Variants in SUGCT observed in about 807,000 individuals in gnomAD.
The protein encoded by SUGCT is succinyl-CoA:glutarate-CoA transferase.
Under a neutral mutation model 55.0 loss-of-function variants are expected in SUGCT, and 41 were observed. The ratio of observed to expected loss-of-function variants is 0.74; its 90% confidence interval spans 0.58 to 0.97. The LOEUF (loss-of-function observed/expected upper bound fraction) is 0.97. Ranked by LOEUF, SUGCT falls within the 50% of genes least tolerant of loss-of-function variation. The probability of loss-of-function intolerance (pLI) is 0.00; values close to 1 mark genes in which losing one functional copy is unlikely to be tolerated. For synonymous variants in SUGCT, 187 were observed against 200.4 expected, an observed-to-expected ratio of 0.93 and a Z score of 0.56; for missense variants, 568 against 547.8, an observed-to-expected ratio of 1.04 and a Z score of -0.37.
chr7:40,966,294 C>T, the SUGCT span: 2 of 152,142 alleles, frequency 1.3e-5, no homozygotes, highest in Non-Finnish European at 2.9e-5. Flanking sequence ...GGAGAGGGCT[C>T]CTGAGAAGGA....
chr7:40,829,227 T>A (rs1199418244), intron 13 of SUGCT, among the ~76,000 whole-genome samples: 1 of 152,162 alleles, frequency 6.6e-6, no homozygotes, highest in Non-Finnish European at 1.5e-5. Context: ...TAACGAAGAC[T>A]GTGTATAAAT....
chr7:40,913,008 A>ATT, the SUGCT span, among the ~76,000 whole-genome samples: 16,547 of 121,502 alleles, frequency 0.14, 1,507 homozygotes, highest in African/African-American at 0.23. Context: ...GCTGGATCCA[A>ATT]TTTTTTTTTT....
chr7:40,480,333 A>G lies in SUGCT; in HGVS notation c.987-15951A>G, dbSNP rs113447101. ...GTGATGATCATTTCACTGTAGATGC[A>G]TGGATTTATTTCTAGACTCTCTATT... On this transcript the variant is annotated intron_variant, in intron 11 of 13. Transcript: ENST00000335693. 8.6e-3 allele frequency among the ~76,000 whole-genome samples: 1,309 copies of G among 152,202 alleles called. 28 individuals are homozygous for G. The highest frequency in any genetic ancestry group is 0.029 in the African/African-American group (1,186 of 41,550).
At chr7:40,660,433 A>G (rs1801245170) in intron 12 of SUGCT, among the ~76,000 whole-genome samples, 1 of 151,962 alleles carries the variant, frequency 6.6e-6, no homozygotes. Flanking sequence ...TAATTTTTGT[A>G]TTTTTAGTAG....
intron 9 of SUGCT, among the ~76,000 whole-genome samples, chr7:40,320,212 T>A (rs1218845618): frequency 6.6e-6 from 1 of 152,016 alleles, no homozygotes; most frequent in Non-Finnish European, 1.5e-5. Flanking sequence ...GTTCAAGCTA[T>A]GCTCCTGCCT....
chr7:40,581,454 G>A (rs1295876256), intron 12 of SUGCT, among the ~76,000 whole-genome samples: 1 of 152,184 alleles, frequency 6.6e-6, no homozygotes, highest in Non-Finnish European at 1.5e-5. Flanking sequence ...ACTAAAGGCA[G>A]AAGAGGTACA....
rs571561362 is a variant in SUGCT at position 40,382,712 on chromosome 7, G to C, written c.816+65857G>C. Among the ~76,000 whole-genome samples, 81 of 152,254 alleles carry C rather than the reference G, an allele frequency of 5.3e-4. 1 individual carries two copies. Among genetic ancestry groups the C allele is most frequent in the African/African-American group, 1.8e-3 (74 of 41,568 alleles). On this transcript the variant is annotated intron_variant, in intron 9 of 13. Transcript: ENST00000335693. ...TAAAACAAAAGAGAAAACTTAGTTT[G>C]TATTGCATACTTATAAATAAGTCTA...
At chr7:40,550,691 T>C (rs1242300470) in intron 12 of SUGCT, among the ~76,000 whole-genome samples, 1 of 152,266 alleles carries the variant, frequency 6.6e-6, no homozygotes, top group Non-Finnish European at 1.5e-5. Context: ...AAATCAAATA[T>C]GAATATACTT....
At chr7:40,212,571 G>A (rs1208069732) in intron 6 of SUGCT, among the ~76,000 whole-genome samples, 1 of 151,744 alleles carries the variant, frequency 6.6e-6, no homozygotes, top group African/African-American at 2.4e-5. Flanking sequence ...GTCTTGCTCT[G>A]TCCGCCAGGC....
intron 12 of SUGCT, among the ~76,000 whole-genome samples, chr7:40,513,598 A>G (rs1793064174): frequency 6.6e-6 from 1 of 152,112 alleles, no homozygotes. Context: ...ACAGGAGCAA[A>G]CACAGTAAGG....
At position 40,387,346 on chromosome 7, in the gene SUGCT, C is replaced by T. The variant is rs533351682; in HGVS notation, c.817-61941C>T. Among the ~76,000 whole-genome samples, 9 of 152,128 alleles carry T rather than the reference C, an allele frequency of 5.9e-5. No individual in the cohort carries two copies. In the South Asian group the frequency reaches 6.2e-4, roughly 11 times the overall value. ...CTAGAGCTCTGTAACTTGGGCAGAT[C>T]GGATACATGGCCCACATGTAAGACT... On this transcript the variant is annotated intron_variant, in intron 9 of 13. Transcript: ENST00000335693.
chr7:40,314,191 T>G (rs1376307791), intron 8 of SUGCT, among the ~76,000 whole-genome samples: 2 of 152,222 alleles, frequency 1.3e-5, no homozygotes, highest in African/African-American at 4.8e-5. Flanking sequence ...AGTTCTTCCC[T>G]ATCCCTGGCA....
intron 8 of SUGCT, among the ~76,000 whole-genome samples, chr7:40,291,863 C>T (rs1434790772): frequency 6.6e-6 from 1 of 152,050 alleles, no homozygotes; most frequent in African/African-American, 2.4e-5. Context: ...AATGAGGTCA[C>T]ACATCTAACA....
intron 9 of SUGCT, among the ~76,000 whole-genome samples, chr7:40,322,680 C>G (rs1382528542): frequency 6.6e-6 from 1 of 152,164 alleles, no homozygotes; most frequent in Non-Finnish European, 1.5e-5. Context: ...ACTACCAGAG[C>G]CAGTCATGGT....
At chr7:40,602,321 G>C (rs1798333444) in intron 12 of SUGCT, among the ~76,000 whole-genome samples, 1 of 152,172 alleles carries the variant, frequency 6.6e-6, no homozygotes, top group African/African-American at 2.4e-5. Flanking sequence ...AAAAGAAACT[G>C]TTTTAATGAA....
chr7:40,745,521 T>C (rs1321024070), intron 12 of SUGCT, among the ~76,000 whole-genome samples: 1 of 152,160 alleles, frequency 6.6e-6, no homozygotes, highest in Non-Finnish European at 1.5e-5. Flanking sequence ...AGGCTGTCAA[T>C]CTGTAAAACG....
chr7:40,396,253 AT>A (rs1226464265), intron 9 of SUGCT, among the ~76,000 whole-genome samples: 2 of 152,018 alleles, frequency 1.3e-5, no homozygotes, highest in African/African-American at 2.4e-5. Flanking sequence ...GGGAAGTCAA[AT>A]TTTTTTTGAA....
intron 1 of SUGCT, among the ~76,000 whole-genome samples, chr7:40,170,384 A>G (rs1784614855): frequency 6.6e-6 from 1 of 152,154 alleles, no homozygotes; most frequent in African/African-American, 2.4e-5. Flanking sequence ...CTGAGAATTT[A>G]CCTAGGTCTA....
At chr7:40,617,338 GA>G (rs1264435091) in intron 12 of SUGCT, among the ~76,000 whole-genome samples, 1 of 152,170 alleles carries the variant, frequency 6.6e-6, no homozygotes, top group African/African-American at 2.4e-5. Context: ...TGTCAAGCTT[GA>G]AGCTTTATAC....
Sources: gnomAD v4.1 joint callset for allele counts (sites outside exome capture counted in the v4.1 genomes callset) on GRCh38, gnomAD v4.1.1 for gene constraint, MANE v1.5 for transcripts, NCBI Gene and HGNC (gene_info 2026-07-23, HGNC 2026-07-21) for gene names.